SLC4A2: variants seen among roughly 807,000 people sequenced by gnomAD.
SLC4A2 encodes the protein anion exchange protein 2.
Under a neutral mutation model 115.0 loss-of-function variants are expected in SLC4A2, and 36 were observed. The observed-to-expected ratio is 0.31, with a 90% confidence interval of 0.24 to 0.41. The LOEUF (loss-of-function observed/expected upper bound fraction) is 0.41, where lower values mean the gene tolerates loss of function less well. Ranked by LOEUF, SLC4A2 falls within the 10% of genes least tolerant of loss-of-function variation. SLC4A2 has a pLI of 1.00. For synonymous variants in SLC4A2, 708 were observed against 708.3 expected, an observed-to-expected ratio of 1.00 and a Z score of 0.01; for missense variants, 1,252 against 1,705.6, an observed-to-expected ratio of 0.73 and a Z score of 4.68.
chr7:151,076,443 C>T lies in SLC4A2; in HGVS notation c.*76C>T. The T allele has an allele frequency of 1.8e-6, 2 of 1,134,950 alleles. No homozygotes were observed. Among genetic ancestry groups the T allele is most frequent in the Non-Finnish European group, 1.2e-6 (1 of 825,990 alleles). The allele number at this position is 1,134,950 out of a possible 1,614,324, so 70.3% of individuals were successfully genotyped here. On this transcript the variant is annotated 3_prime_UTR_variant, in exon 23 of 23. Coordinates refer to ENST00000413384, the MANE Select transcript of SLC4A2 (RefSeq NM_003040.4). ...GGGATGGGGTTCCCCCTCCCATGCC[C>T]CTCCCTCCTTTTTATTTAAGTGAAT... is the stretch of plus-strand genomic sequence containing the variant.
At position 151,071,717 on chromosome 7, in the gene SLC4A2, G is replaced by T. The variant is rs387907528; in HGVS notation, c.2220G>T (p.Val740=). Residue 740 remains valine, a synonymous_variant, in exon 15 of 23, where the codon GTG becomes GTT. Transcript: ENST00000413384. This position sits in a 1 kb window ranked among gnomAD's most constrained non-coding sequence, Gnocchi z 5.5. ...LGEKTQDLIG[V]SELIMSTALQ... is the part of the protein sequence containing the mutation. ...AGAAGACGCAGGACCTGATAGGGGT[G>T]TCGGAGCTGATTATGTCCACAGCGC... 12 of 1,611,040 alleles carry T rather than the reference G, an allele frequency of 7.4e-6. No homozygotes were observed. The highest frequency in any genetic ancestry group is 1.1e-5 in the South Asian group (1 of 90,880).
Position 151,070,720 on chromosome 7 carries a change from C to T in SLC4A2, c.1565-7C>T. On this transcript the variant is annotated splice_polypyrimidine_tract_variant and splice_region_variant and intron_variant, in intron 11 of 22. Transcript: ENST00000413384. ...TGCTCTTGCCCACGATGGTCCCACG[C>T]CCCTAGGCTGCGTGGAGTTCCTCTC... The T allele has an allele frequency of 1.2e-6, 2 of 1,612,690 alleles. No homozygotes were observed. The highest frequency in any genetic ancestry group is 1.7e-6 in the Non-Finnish European group (2 of 1,179,884).
At position 151,070,306 on chromosome 7, in the gene SLC4A2, TG is replaced by T; in HGVS notation, c.1412del (p.Gly471GlufsTer34). The T allele has an allele frequency of 6.2e-7, 1 of 1,613,238 alleles. No individual in the cohort carries two copies. The highest frequency in any genetic ancestry group is 8.5e-7 in the Non-Finnish European group (1 of 1,179,594). On this transcript the variant is annotated frameshift_variant, in exon 10 of 23. Transcript: ENST00000413384. LOFTEE classifies it high-confidence loss of function. Reference sequence around the variant, plus strand: ...GACCCCCACGTCACCGAGCCTCTCATGGGAGGTGTTCCTGAGACCCGGCTGG... The same window carrying T: ...GACCCCCACGTCACCGAGCCTCTCATGGAGGTGTTCCTGAGACCCGGCTGG... ...ESDPHVTEPL[M>X]GGVPETRLEV...
chr7:151,067,529 C>T (rs1316803858), intron 7 of SLC4A2, among the ~76,000 whole-genome samples: 1 of 152,340 alleles, frequency 6.6e-6, no homozygotes, highest in Middle Eastern at 3.4e-3. Flanking sequence ...TAATTCACGT[C>T]TGTTAAAAGG....
At chr7:151,063,118 G>A in intron 2 of SLC4A2, 1 of 1,518,886 alleles carries the variant, frequency 6.6e-7, no homozygotes. Flanking sequence ...GCTGGGCTGA[G>A]CTCTTACAAG....
At chr7:151,061,800 G>T in intron 1 of SLC4A2, 125 bp from the exon 2 acceptor site, 1 of 597,262 alleles carries the variant, frequency 1.7e-6, no homozygotes, top group South Asian at 2.0e-5. Context: ...CTGTGCTGTG[G>T]CTGCCGCTAA....
Position 151,064,583 on chromosome 7 carries a change from A to G in SLC4A2, c.275A>G (p.Asp92Gly), listed in dbSNP as rs1050701. 28 of 1,612,654 alleles carry G rather than the reference A, an allele frequency of 1.7e-5. No homozygotes were observed. Among genetic ancestry groups the G allele is most frequent in the Non-Finnish European group, 2.3e-5 (27 of 1,179,920 alleles). Residue 92 changes from aspartate (D) to glycine (G), a missense_variant, in exon 4 of 23, where the codon GAT (aspartate) becomes GGT (glycine). Physicochemically the swap from Asp to Gly is moderately conservative, Grantham distance 94 (BLOSUM62 -1). Transcript: ENST00000413384. ...HHPLSTHLPP[D>G]ARRRKTPQGP... ...CCACTGTCCACCCACCTGCCTCCGG[A>G]TGCACGCCGCCGCAAGACACCCCAG...
chr7:151,073,097 G>A (rs1380529811), intron 16 of SLC4A2, among the ~76,000 whole-genome samples: 3 of 152,106 alleles, frequency 2.0e-5, no homozygotes, highest in South Asian at 4.2e-4. Context: ...TGGGACTGCC[G>A]GCGGGCCCCA....
chr7:151,067,723 C>A, intron 7 of SLC4A2, 151 bp from the exon 8 acceptor site: 3 of 598,828 alleles, frequency 5.0e-6, no homozygotes, highest in Non-Finnish European at 8.7e-6. Context: ...AGGGTCCCAG[C>A]TGGCTGTGGG....
At position 151,064,907 on chromosome 7, in the gene SLC4A2, C is replaced by A; in HGVS notation, c.519C>A (p.Ser173=). The change falls in exon 5 of 23, where the codon TCC becomes TCA. Residue 173 remains serine (S), a synonymous_variant. Transcript: ENST00000413384. The part of the protein sequence containing the change: ...DRKAERTSPS[S]PAPLPHQEAT... Reference sequence around the variant, plus strand: ...AGGCAGAGAGGACCAGTCCATCTTCCCCTGCACCACTGCCCCACCAGGAGG... The same window carrying A: ...AGGCAGAGAGGACCAGTCCATCTTCACCTGCACCACTGCCCCACCAGGAGG... The A allele has an allele frequency of 6.2e-7, 1 of 1,614,024 alleles. No individual in the cohort carries two copies. Among genetic ancestry groups the A allele is most frequent in the South Asian group, 1.1e-5 (1 of 91,090 alleles).
intron 6 of SLC4A2, 25 bp from the exon 7 acceptor site, chr7:151,066,826 C>T (rs765249398): frequency 3.1e-6 from 5 of 1,603,540 alleles, no homozygotes; most frequent in Non-Finnish European, 4.3e-6. Context: ...AGGGGGAGCC[C>T]AACCTTGGTC....
intron 16 of SLC4A2, among the ~76,000 whole-genome samples, chr7:151,072,848 A>G (rs1342432148): frequency 1.3e-5 from 2 of 151,700 alleles, no homozygotes; most frequent in Non-Finnish European, 2.9e-5. Context: ...TTTTTAGTAG[A>G]GATGGGGGTT....
intron 16 of SLC4A2, among the ~76,000 whole-genome samples, chr7:151,073,770 T>TA (rs1174106412): frequency 6.6e-6 from 1 of 152,102 alleles, no homozygotes. Flanking sequence ...CATGTCCTCT[T>TA]CCTTTAGGCC....
intron 2 of SLC4A2, chr7:151,062,423 G>GC (rs1563338447): frequency 1.1e-6 from 1 of 894,906 alleles, no homozygotes; most frequent in Non-Finnish European, 1.6e-6. Context: ...GACTGGCCAC[G>GC]CCCCCTGCCC....
At chr7:151,062,483 A>G (rs1286752929) in intron 2 of SLC4A2, 1 of 1,170,006 alleles carries the variant, frequency 8.5e-7, no homozygotes, top group East Asian at 3.6e-5. Flanking sequence ...CCACCGCTCC[A>G]CATGGCCCCC....
chr7:151,062,174 C>T (rs1469661308), intron 2 of SLC4A2, 136 bp downstream of exon 2: 7 of 739,496 alleles, frequency 9.5e-6, no homozygotes, highest in Non-Finnish European at 1.6e-5. Flanking sequence ...CCATCCCTAC[C>T]CTGACTTTGC....
rs759880319 is a variant in SLC4A2 at position 151,070,038 on chromosome 7, C to A, written c.1239C>A (p.Ala413=). ...EQMVISDQIK[A]EDRANVLRAL... Reference sequence around the variant, plus strand: ...TGGTCATCTCTGACCAGATCAAGGCCGAGGACAGGGCCAACGTGCTGCGGG... The same window carrying A: ...TGGTCATCTCTGACCAGATCAAGGCAGAGGACAGGGCCAACGTGCTGCGGG... The change falls in exon 9 of 23, where the codon GCC becomes GCA. Residue 413 remains alanine (A), a synonymous_variant. Transcript: ENST00000413384. The A allele has an allele frequency of 6.2e-7, 1 of 1,614,096 alleles. No homozygotes were observed. The highest frequency in any genetic ancestry group is 8.5e-7 in the Non-Finnish European group (1 of 1,180,020).
At position 151,074,656 on chromosome 7, in the gene SLC4A2, C is replaced by T. The variant is rs765902624; in HGVS notation, c.2881-19C>T. ...ACATTCACCTTAACCCTTGTCCCTA[C>T]ACTGTGTCTGCCCTGCAGAAGCTGA... On this transcript the variant is annotated intron_variant, in intron 18 of 22. Coordinates refer to ENST00000413384, the MANE Select transcript of SLC4A2 (RefSeq NM_003040.4). The T allele has an allele frequency of 3.8e-5, 60 of 1,589,672 alleles. 1 individual carries two copies. The highest frequency in any genetic ancestry group is 2.7e-4 in the East Asian group (12 of 44,670).
At chr7:151,062,139 G>A (rs1797070482) in intron 2 of SLC4A2, 101 bp downstream of exon 2, 1 of 197,598 alleles carries the variant, frequency 5.1e-6, no homozygotes, top group South Asian at 7.1e-5. Flanking sequence ...GAGCGTGTGT[G>A]AGTGTGGAGA....
Sources: allele counts gnomAD v4.1 joint callset (sites outside exome capture counted in the v4.1 genomes callset), GRCh38; gene constraint gnomAD v4.1.1; non-coding constraint Gnocchi (gnomAD v3.1); transcripts MANE v1.5; gene names NCBI Gene and HGNC (gene_info 2026-07-23, HGNC 2026-07-21).